The following ERO1B variants were observed in gnomAD, a reference collection of about 807,000 sequenced individuals.
The protein encoded by ERO1B is endoplasmic reticulum oxidoreductase 1 beta.
ERO1B carries 49 observed loss-of-function variants against 75.3 expected under a neutral mutation model. That is an observed-to-expected ratio of 0.65 (90% CI 0.52 to 0.83). The LOEUF is 0.83. Among genes scored for constraint, ERO1B ranks in the 40% least tolerant of loss-of-function variants. The pLI, the probability that ERO1B is intolerant of heterozygous loss-of-function variation, is 0.00. For missense variants in ERO1B, 512 were observed against 560.1 expected (o/e 0.91, Z 0.87); for synonymous variants, 191 against 192.9 (o/e 0.99, Z 0.08).
intron 2 of ERO1B, among the ~76,000 whole-genome samples, chr1:236,260,277 C>G (rs1665265177): frequency 6.6e-6 from 1 of 152,070 alleles, no homozygotes; most frequent in African/African-American, 2.4e-5. Context: ...AAACATGCAG[C>G]CTACAAAAGC....
At chr1:236,224,674 A>G (rs1446520112) in intron 13 of ERO1B, among the ~76,000 whole-genome samples, 1 of 152,172 alleles carries the variant, frequency 6.6e-6, no homozygotes, top group Non-Finnish European at 1.5e-5. Context: ...AAAACATAAT[A>G]TATGTTTCAA....
intron 6 of ERO1B, among the ~76,000 whole-genome samples, chr1:236,241,248 T>A (rs16833516): frequency 4.6e-5 from 7 of 152,050 alleles, no homozygotes; most frequent in African/African-American, 1.4e-4. Flanking sequence ...ACAGTAATTT[T>A]AAAAACTACT....
chr1:236,261,001 G>T (rs1001490650), intron 2 of ERO1B, among the ~76,000 whole-genome samples: 2 of 143,474 alleles, frequency 1.4e-5, no homozygotes, highest in Admixed American at 7.1e-5. Flanking sequence ...TGCAAGAGTA[G>T]TTTGATGTAC....
intron 1 of ERO1B, among the ~76,000 whole-genome samples, chr1:236,277,528 C>G (rs189980828): frequency 1.3e-5 from 2 of 151,830 alleles, no homozygotes; most frequent in African/African-American, 4.8e-5. Context: ...GAGCGGCAAA[C>G]AAGGAATGAG....
rs1665835227 is a variant in ERO1B, at chr1:236,281,706, G to A, written c.78C>T (p.Phe26=). ...CCTGCGCCTCGACGACGCTCCGCAGGAAGCTCAGGGTGACCAGCAGCTGCA... is the reference window on the plus strand; with the variant it reads ...CCTGCGCCTCGACGACGCTCCGCAGAAAGCTCAGGGTGACCAGCAGCTGCA... ...AAVQLLVTLS[F]LRSVVEAQVT... The change falls in exon 1 of 16, where the codon TTC becomes TTT. Residue 26 remains phenylalanine, a synonymous_variant. Coordinates refer to ENST00000354619, the MANE Select transcript of ERO1B (RefSeq NM_019891.4). 1.3e-6 allele frequency: 2 copies of A among 1,496,648 alleles called. No individual in the cohort carries two copies. Among genetic ancestry groups the A allele is most frequent in the Non-Finnish European group, 1.8e-6 (2 of 1,124,014 alleles). The allele number at this position is 1,496,648 out of a possible 1,614,324, so 92.7% of individuals were successfully genotyped here.
intron 12 of ERO1B, among the ~76,000 whole-genome samples, chr1:236,225,768 C>G (rs2102940072): frequency 6.6e-6 from 1 of 152,308 alleles, no homozygotes; most frequent in Non-Finnish European, 1.5e-5. Context: ...AACCCTATCT[C>G]TACTAAAAAT....
chr1:236,225,980 T>C (rs1664267939), intron 12 of ERO1B, among the ~76,000 whole-genome samples: 1 of 152,166 alleles, frequency 6.6e-6, no homozygotes, highest in Non-Finnish European at 1.5e-5. Context: ...ACAAAATTGG[T>C]AGAAAGACCA....
chr1:236,263,701 G>A (rs1358245986), intron 2 of ERO1B, among the ~76,000 whole-genome samples: 1 of 149,798 alleles, frequency 6.7e-6, no homozygotes, highest in Non-Finnish European at 1.5e-5. Context: ...TTTAGGTTTT[G>A]CATACTTCTT....
chr1:236,255,392 A>T (rs1665138330), intron 2 of ERO1B, among the ~76,000 whole-genome samples: 1 of 152,138 alleles, frequency 6.6e-6, no homozygotes, highest in Admixed American at 6.5e-5. Context: ...CTCAGTATGC[A>T]ACCTCTACCC....
chr1:236,228,422 T>C (rs533316375), intron 10 of ERO1B, among the ~76,000 whole-genome samples: 1 of 152,346 alleles, frequency 6.6e-6, no homozygotes, highest in East Asian at 1.9e-4. Flanking sequence ...ACACACAGTC[T>C]GTGCCAGGCT....
Position 236,226,712 on chromosome 1 carries a change from T to TA in ERO1B, c.739dup (p.Tyr247LeufsTer2). 6.2e-7 allele frequency: 1 copy of TA among 1,611,850 alleles called. No individual in the cohort carries two copies. The highest frequency in any genetic ancestry group is 8.5e-7 in the Non-Finnish European group (1 of 1,179,416). ...AGCATGAAGTCCCGATATAAGCTTA[T>TA]AGAAGACTCTTTTCTCCAGACACAA... is the stretch of plus-strand genomic sequence containing the variant. On this transcript the variant is annotated frameshift_variant, in exon 11 of 16. Transcript: ENST00000354619. LOFTEE classifies it high-confidence loss of function.
At chr1:236,278,182 C>T (rs1033989914) in intron 1 of ERO1B, among the ~76,000 whole-genome samples, 7 of 152,068 alleles carry the variant, frequency 4.6e-5, no homozygotes, top group Non-Finnish European at 7.4e-5. Flanking sequence ...CCAGGGCACA[C>T]AAATTTGGGA....
chr1:236,270,084 T>C, intron 1 of ERO1B, 90 bp from the exon 2 acceptor site: 1 of 971,588 alleles, frequency 1.0e-6, no homozygotes, highest in Non-Finnish European at 1.5e-6. Flanking sequence ...ATTTATTCAT[T>C]CAAGTTAGCC....
In ERO1B at chr1:236,216,562, T is replaced by C. The variant is rs1157210863; in HGVS notation, c.*1954A>G. On this transcript the variant is annotated 3_prime_UTR_variant, in exon 16 of 16. Coordinates refer to ENST00000354619, the MANE Select transcript of ERO1B (RefSeq NM_019891.4). ...TTTTTACTCTAACCAGATCTTTTAATTTCCTAGAACATACTCTAATATACT... is the reference window on the plus strand; with the variant it reads ...TTTTTACTCTAACCAGATCTTTTAACTTCCTAGAACATACTCTAATATACT... 6.6e-6 allele frequency: 1 copy of C among 152,120 alleles called. No homozygotes were observed. The highest frequency in any genetic ancestry group is 2.4e-5 in the African/African-American group (1 of 41,432). The allele number at this position is 152,120 out of a possible 1,614,324, so 9.4% of individuals were successfully genotyped here. A position where few individuals can be genotyped will look rare whatever the true frequency, so the allele number is the denominator to read the frequency against.
intron 1 of ERO1B, among the ~76,000 whole-genome samples, chr1:236,271,925 A>C (rs1665599250): frequency 6.6e-6 from 1 of 152,146 alleles, no homozygotes; most frequent in African/African-American, 2.4e-5. Context: ...TAATTGTGGT[A>C]GGGGATGGGT....
chr1:236,271,877 G>A (rs564124490), intron 1 of ERO1B, among the ~76,000 whole-genome samples: 5 of 151,814 alleles, frequency 3.3e-5, no homozygotes, highest in Admixed American at 6.6e-5. Flanking sequence ...TTGACTTTTA[G>A]TTTATAAAGC....
At chr1:236,229,236 C>T (rs1664343657) in intron 10 of ERO1B, among the ~76,000 whole-genome samples, 1 of 152,000 alleles carries the variant, frequency 6.6e-6, no homozygotes, top group African/African-American at 2.4e-5. Flanking sequence ...ACCAGCCTGG[C>T]CAACACGGCG....
In ERO1B at chr1:236,251,400, C is replaced by T. The variant is rs953423306; in HGVS notation, c.348+650G>A. The stretch of plus-strand genomic sequence containing the variant: ...GAAATGGCTGAGGGGGTTTCAACTG[C>T]TTTTATATGGTTTTATTTATTTCAG... On this transcript the variant is annotated intron_variant, in intron 4 of 15. Coordinates refer to ENST00000354619, the MANE Select transcript of ERO1B (RefSeq NM_019891.4). The T allele has an allele frequency of 1.5e-5, 11 of 744,828 alleles. No individual in the cohort carries two copies. The African/African-American group carries it at 1.5e-4, about 10-fold the overall frequency. 46.1% of individuals were successfully genotyped at this position (744,828 alleles called of 1,614,324 possible).
At chr1:236,254,283 C>G (rs1390930734) in intron 2 of ERO1B, among the ~76,000 whole-genome samples, 1 of 152,228 alleles carries the variant, frequency 6.6e-6, no homozygotes, top group Non-Finnish European at 1.5e-5. Context: ...TCCTTCCTCC[C>G]TTTTCTTGTT....
Sources: gnomAD v4.1 joint callset for allele counts (sites outside exome capture counted in the v4.1 genomes callset) on GRCh38, gnomAD v4.1.1 for gene constraint, MANE v1.5 for transcripts, NCBI Gene and HGNC (gene_info 2026-07-23, HGNC 2026-07-21) for gene names.